NEDD4: variants seen among roughly 807,000 people sequenced by gnomAD.
The protein encoded by NEDD4 is NEDD4 E3 ubiquitin protein ligase, also known as E3 ubiquitin-protein ligase NEDD4.
Under a neutral mutation model 144.9 loss-of-function variants are expected in NEDD4, and 99 were observed. The ratio of observed to expected loss-of-function variants is 0.68; its 90% CI spans 0.58 to 0.81. The LOEUF (loss-of-function observed/expected upper bound fraction) is 0.81. NEDD4 is among the 30% of genes least tolerant of loss of function. The pLI, the probability that NEDD4 is intolerant of heterozygous loss-of-function variation, is 0.00. For missense variants in NEDD4, 985 were observed against 1,065.9 expected, an observed-to-expected ratio of 0.92 and a Z score of 1.06; for synonymous variants, 318 against 350.6, an observed-to-expected ratio of 0.91 and a Z score of 1.04.
At chr15:55,933,884 T>C (rs1232931723) in intron 4 of NEDD4, among the ~76,000 whole-genome samples, 1 of 152,210 alleles carries the variant, frequency 6.6e-6, no homozygotes, top group Admixed American at 6.5e-5. Flanking sequence ...CTGGAGGCAG[T>C]GGTTCACACC....
At chr15:55,955,188 ATTG>A (rs2037316252) in intron 2 of NEDD4, among the ~76,000 whole-genome samples, 1 of 151,916 alleles carries the variant, frequency 6.6e-6, no homozygotes, top group African/African-American at 2.4e-5. Context: ...TGCCTGACTA[ATTG>A]TTGTGTTTTT....
At chr15:55,904,634 CTCT>C (rs1196283844) in intron 5 of NEDD4, among the ~76,000 whole-genome samples, 3 of 152,130 alleles carry the variant, frequency 2.0e-5, no homozygotes, top group African/African-American at 7.2e-5. Flanking sequence ...CAGGTTGATT[CTCT>C]TCTTCTGAGT....
chr15:55,839,776 G>A (rs2033381795), intron 21 of NEDD4, among the ~76,000 whole-genome samples: 1 of 151,432 alleles, frequency 6.6e-6, no homozygotes, highest in Admixed American at 6.6e-5. Context: ...AAAAGACTGA[G>A]ACCATCCTGG....
intron 4 of NEDD4, among the ~76,000 whole-genome samples, chr15:55,926,169 TG>T (rs2036661549): frequency 6.6e-6 from 1 of 152,276 alleles, no homozygotes; most frequent in East Asian, 1.9e-4. Context: ...TTCTATATAT[TG>T]TTTTTTTGTG....
rs756147004 is a variant in NEDD4 at position 55,837,807 on chromosome 15, T to C, written c.2244A>G (p.Gln748=). 2.5e-6 allele frequency: 4 copies of C among 1,612,000 alleles called. No homozygotes were observed. Residue 748 remains glutamine (Q), a synonymous_variant, in exon 24 of 29, where the codon CAA becomes CAG. Transcript: ENST00000435532. ...QWRFVNRIQK[Q]MAAFKEGFFE... The stretch of plus-strand genomic sequence containing the variant: ...TGAATACCTCTTTAAAAGCAGCCAT[T>C]TGCTTCTGGATTCGGTTTACAAATC...
intron 2 of NEDD4, among the ~76,000 whole-genome samples, chr15:55,964,343 A>G (rs1256485374): frequency 6.6e-6 from 1 of 151,772 alleles, no homozygotes; most frequent in Non-Finnish European, 1.5e-5. Context: ...CATCTCTCTC[A>G]TCTTCCAACT....
chr15:55,850,182 G>C (rs1394563132), intron 14 of NEDD4, among the ~76,000 whole-genome samples: 1 of 152,098 alleles, frequency 6.6e-6, no homozygotes, highest in Non-Finnish European at 1.5e-5. Context: ...GTTCTACCTA[G>C]CCTCACAAGG....
intron 11 of NEDD4, among the ~76,000 whole-genome samples, chr15:55,857,862 C>A (rs2034257279): frequency 6.6e-6 from 1 of 152,038 alleles, no homozygotes; most frequent in African/African-American, 2.4e-5. Flanking sequence ...ATCCCTTGAG[C>A]CCAGAAATTT....
At chr15:55,981,090 G>A (rs141718031) in intron 1 of NEDD4, among the ~76,000 whole-genome samples, 1,639 of 150,706 alleles carry the variant, frequency 0.011, 20 homozygotes, top group Middle Eastern at 0.017. Context: ...CCAGGCTGGA[G>A]TGCAGTGGTA....
At chr15:55,984,865 CA>C (rs1340721210) in intron 1 of NEDD4, among the ~76,000 whole-genome samples, 1 of 152,224 alleles carries the variant, frequency 6.6e-6, no homozygotes, top group Admixed American at 6.5e-5. Context: ...TTCAGCAGAA[CA>C]ATGGGTTCAG....
Position 55,956,934 on chromosome 15 carries a change from A to G in NEDD4, c.120-5345T>C, listed in dbSNP as rs74685182. On this transcript the variant is annotated intron_variant, in intron 2 of 28. Coordinates refer to ENST00000435532, the MANE Select transcript of NEDD4 (RefSeq NM_006154.4). Reference sequence around the variant, plus strand: ...TATTGAGTCTTCTAATGAAAACAGCATATGTATCCATTGATTTATGTTGTC... The same window carrying G: ...TATTGAGTCTTCTAATGAAAACAGCGTATGTATCCATTGATTTATGTTGTC... Among the ~76,000 whole-genome samples the G allele has an allele frequency of 4.2e-3, 639 of 152,318 alleles. 2 individuals carry two copies. The highest frequency in any genetic ancestry group is 0.014 in the African/African-American group (592 of 41,572).
rs113548962 is a variant in NEDD4, at chr15:55,986,483, C to G, written c.45+7028G>C. On this transcript the variant is annotated intron_variant, in intron 1 of 28. Coordinates refer to ENST00000435532, the MANE Select transcript of NEDD4 (RefSeq NM_006154.4). ...ACAGCATCATTTCTATGATTCCTGCCAAGAGAGCGTGACCTGAACATGGTC... is the reference window on the plus strand; with the variant it reads ...ACAGCATCATTTCTATGATTCCTGCGAAGAGAGCGTGACCTGAACATGGTC... 2.6e-3 allele frequency among the ~76,000 whole-genome samples: 401 copies of G among 151,490 alleles called. 6 individuals carry two copies. Among genetic ancestry groups the G allele is most frequent in the Admixed American group, 3.0e-3 (45 of 15,200 alleles).
intron 13 of NEDD4, among the ~76,000 whole-genome samples, chr15:55,851,506 C>T (rs555740155): frequency 6.0e-5 from 9 of 150,334 alleles, no homozygotes; most frequent in African/African-American, 1.7e-4. Context: ...GATGGAGTTT[C>T]GCTCTTGTTG....
chr15:55,870,181 A>G (rs2034732845), intron 7 of NEDD4, among the ~76,000 whole-genome samples: 1 of 152,154 alleles, frequency 6.6e-6, no homozygotes, highest in Non-Finnish European at 1.5e-5. Flanking sequence ...AAATCAGACA[A>G]CTTCAGACTT....
chr15:55,962,067 C>A (rs935347021), intron 2 of NEDD4, among the ~76,000 whole-genome samples: 3 of 152,036 alleles, frequency 2.0e-5, no homozygotes, highest in Non-Finnish European at 4.4e-5. Context: ...TTTCTAAGTT[C>A]TTTTAGCAGG....
At chr15:55,945,823 C>T (rs771667503) in intron 4 of NEDD4, among the ~76,000 whole-genome samples, 24 of 151,918 alleles carry the variant, frequency 1.6e-4, no homozygotes, top group Admixed American at 8.5e-4. Context: ...CAGCAGAAAC[C>T]TTACAAGCCA....
chr15:55,835,847 G>C (rs1248773103), intron 24 of NEDD4, among the ~76,000 whole-genome samples: 1 of 152,144 alleles, frequency 6.6e-6, no homozygotes, highest in African/African-American at 2.4e-5. Context: ...CTTCCAGAAT[G>C]ATCTAAAACA....
chr15:55,986,054 G>C (rs915345542), intron 1 of NEDD4, among the ~76,000 whole-genome samples: 1 of 152,182 alleles, frequency 6.6e-6, no homozygotes, highest in South Asian at 2.1e-4. Flanking sequence ...AACTGGGACA[G>C]TATGAGCAAT....
intron 5 of NEDD4, among the ~76,000 whole-genome samples, chr15:55,877,994 T>C (rs1237884887): frequency 1.3e-5 from 2 of 152,202 alleles, no homozygotes; most frequent in Admixed American, 6.5e-5. Flanking sequence ...ATACTCTTCT[T>C]ATCCCTGCTC....
Sources: allele counts gnomAD v4.1 joint callset (sites outside exome capture counted in the v4.1 genomes callset), GRCh38; gene constraint gnomAD v4.1.1; transcripts MANE v1.5; gene names NCBI Gene and HGNC (gene_info 2026-07-23, HGNC 2026-07-21).